The following GBA1 variants were observed in gnomAD, a reference collection of about 807,000 sequenced individuals.
The protein encoded by GBA1 is lysosomal acid glucosylceramidase.
the GBA1 span, among the ~76,000 whole-genome samples, chr1:155,236,957 C>T: frequency 1.3e-5 from 2 of 151,742 alleles, no homozygotes; most frequent in East Asian, 1.9e-4. Context: ...CACCATCTCC[C>T]GGGTTCAACT....
chr1:155,243,879 G>A, the GBA1 span, among the ~76,000 whole-genome samples: 2 of 151,852 alleles, frequency 1.3e-5, no homozygotes, highest in African/African-American at 2.4e-5. Flanking sequence ...TTCAAGCGGA[G>A]GGTAGGGACC....
the GBA1 span, chr1:155,236,392 G>T: frequency 6.2e-7 from 1 of 1,614,216 alleles, no homozygotes. Flanking sequence ...GGGTGGCTTT[G>T]GCTGGAGCCA....
At chr1:155,242,520 C>A in the GBA1 span, among the ~76,000 whole-genome samples, 4 of 152,044 alleles carry the variant, frequency 2.6e-5, no homozygotes, top group Admixed American at 2.6e-4. Flanking sequence ...CTGCGCTGGA[C>A]CCCAGCCATC....
chr1:155,236,267 T>C, the GBA1 span: 2 of 1,614,060 alleles, frequency 1.2e-6, no homozygotes, highest in South Asian at 2.2e-5. Flanking sequence ...GTGGCTGTAC[T>C]GCATCCCTCG....
the GBA1 span, chr1:155,237,265 G>A: frequency 2.0e-5 from 32 of 1,609,830 alleles, no homozygotes; most frequent in East Asian, 1.8e-4. Context: ...TAGAGAAATC[G>A]CTCTAAGTTT....
At chr1:155,243,852 A>C in the GBA1 span, among the ~76,000 whole-genome samples, 1 of 151,364 alleles carries the variant, frequency 6.6e-6, no homozygotes, top group African/African-American at 2.4e-5. Context: ...GGTTCACTGC[A>C]ACCTCCGCCT....
the GBA1 span, chr1:155,236,449 T>G: frequency 6.2e-7 from 1 of 1,614,156 alleles, no homozygotes; most frequent in Non-Finnish European, 8.5e-7. Flanking sequence ...CATATTTAGC[T>G]GCTTCTGGGT....
At chr1:155,235,667 C>T in the GBA1 span, 15 of 1,583,234 alleles carry the variant, frequency 9.5e-6, no homozygotes, top group Middle Eastern at 8.3e-4. Context: ...TGGGGGTGCC[C>T]GCCCTCCACT....
At chr1:155,241,042 C>T in the GBA1 span, 1 of 1,546,134 alleles carries the variant, frequency 6.5e-7, no homozygotes, top group Non-Finnish European at 8.9e-7. Flanking sequence ...TGCCAGGATT[C>T]CAGAAGCACT....
the GBA1 span, among the ~76,000 whole-genome samples, chr1:155,236,733 G>T: frequency 6.7e-6 from 1 of 149,872 alleles, no homozygotes; most frequent in South Asian, 2.1e-4. Flanking sequence ...GACTACACGG[G>T]TGCCACACCC....
At chr1:155,242,886 C>A in the GBA1 span, among the ~76,000 whole-genome samples, 1 of 152,212 alleles carries the variant, frequency 6.6e-6, no homozygotes, top group South Asian at 2.1e-4. Context: ...AGCCACCACA[C>A]CCGGTCCCTC....
the GBA1 span, among the ~76,000 whole-genome samples, chr1:155,242,912 G>A: frequency 1.3e-5 from 2 of 152,174 alleles, no homozygotes; most frequent in Non-Finnish European, 1.5e-5. Context: ...ATTAAGTACA[G>A]TCTCAGTGAG....
At chr1:155,236,281 C>T in the GBA1 span, 1 of 1,614,032 alleles carries the variant, frequency 6.2e-7, no homozygotes, top group Non-Finnish European at 8.5e-7. Flanking sequence ...TCCCTCGATC[C>T]CAGGAGCCTA....
the GBA1 span, chr1:155,236,144 A>G: frequency 2.9e-6 from 3 of 1,045,006 alleles, no homozygotes; most frequent in Admixed American, 2.0e-5. Flanking sequence ...AGGGCAGGCT[A>G]GCTGGGGAAA....
chr1:155,239,216 T>C, the GBA1 span, among the ~76,000 whole-genome samples: 1 of 138,930 alleles, frequency 7.2e-6, no homozygotes, highest in East Asian at 2.1e-4. Flanking sequence ...AGACTCTGTC[T>C]CAAAAAAAAA....
the GBA1 span, chr1:155,236,559 G>A: frequency 7.8e-6 from 8 of 1,026,660 alleles, no homozygotes; most frequent in East Asian, 2.5e-5. Flanking sequence ...GTTGGGTGAC[G>A]GGAAGAATGC....
the GBA1 span, chr1:155,235,204 A>G: frequency 6.2e-7 from 1 of 1,612,958 alleles, no homozygotes; most frequent in East Asian, 2.2e-5. Flanking sequence ...CCGGTTTAGC[A>G]CGACCACAAC....
chr1:155,236,310 A>G, the GBA1 span: 1 of 1,614,228 alleles, frequency 6.2e-7, no homozygotes, highest in Non-Finnish European at 8.5e-7. Flanking sequence ...CTCTGCTCCC[A>G]GAACTTGGAG....
At chr1:155,238,124 G>A in the GBA1 span, 2 of 1,613,920 alleles carry the variant, frequency 1.2e-6, no homozygotes, top group African/African-American at 1.3e-5. Context: ...CATCCTTGCT[G>A]ATCCCTTACT....
Sources: allele counts gnomAD v4.1 joint callset (sites outside exome capture counted in the v4.1 genomes callset), GRCh38; gene constraint gnomAD v4.1.1; transcripts MANE v1.5; gene names NCBI Gene and HGNC (gene_info 2026-07-23, HGNC 2026-07-21).